DAB1: variants seen among roughly 807,000 people sequenced by gnomAD.
DAB1 encodes DAB adaptor protein 1.
A neutral mutation model predicts 64.6 loss-of-function variants in DAB1; 15 were observed. That is an observed-to-expected ratio of 0.23 (90% CI 0.16 to 0.36). DAB1 has a LOEUF of 0.36. Ranked by LOEUF, DAB1 falls within the 10% of genes least tolerant of loss-of-function variation. The pLI is 1.00. For missense variants in DAB1, 596 were observed against 706.7 expected (o/e 0.84, Z 1.78); for synonymous variants, 235 against 251.9 (o/e 0.93, Z 0.64).
At position 57,019,030 on chromosome 1, in the gene DAB1, C is replaced by T. The variant is rs1570512041; in HGVS notation, c.896-3599G>A. Reference sequence around the variant, plus strand: ...GGATGGCTTCTTGCTCCTGTCAGCACCACTGGTCCTTCTCTGGGCTTCCAC... The same window carrying T: ...GGATGGCTTCTTGCTCCTGTCAGCATCACTGGTCCTTCTCTGGGCTTCCAC... On this transcript the variant is annotated intron_variant, in intron 11 of 14. Transcript: ENST00000371236. Among the ~76,000 whole-genome samples, 3 of 152,314 alleles carry T rather than the reference C, an allele frequency of 2.0e-5. No homozygotes were observed. In the East Asian group the frequency reaches 5.8e-4, roughly 29 times the overall value.
intron 4 of DAB1, among the ~76,000 whole-genome samples, chr1:57,090,182 A>G (rs1653510869): frequency 6.6e-6 from 1 of 152,202 alleles, no homozygotes; most frequent in Non-Finnish European, 1.5e-5. Context: ...GAAGCTTATC[A>G]AAGAGATGTG....
chr1:57,651,172 T>C (rs1216018689), intron 6 of DAB1, among the ~76,000 whole-genome samples: 1 of 152,050 alleles, frequency 6.6e-6, no homozygotes, highest in Non-Finnish European at 1.5e-5. Context: ...AAAAAAGATC[T>C]TATGGTTAAA....
At chr1:57,987,104 A>C (rs1372790783) in intron 5 of DAB1, among the ~76,000 whole-genome samples, 3 of 152,146 alleles carry the variant, frequency 2.0e-5, no homozygotes, top group Non-Finnish European at 4.4e-5. Context: ...TTACAAAAAT[A>C]TTTTTAAAAT....
At chr1:58,461,466 C>T (rs910795565) in intron 3 of DAB1, among the ~76,000 whole-genome samples, 5 of 152,158 alleles carry the variant, frequency 3.3e-5, no homozygotes, top group African/African-American at 1.2e-4. Context: ...GATGGAGACA[C>T]AGAAGAGATG....
intron 1 of DAB1, among the ~76,000 whole-genome samples, chr1:57,354,947 T>G (rs1678941305): frequency 6.6e-6 from 1 of 152,148 alleles, no homozygotes; most frequent in African/African-American, 2.4e-5. Flanking sequence ...TTTTCCTCCA[T>G]CAGCCCTGTC....
chr1:58,339,839 C>T (rs1253210445), intron 4 of DAB1, among the ~76,000 whole-genome samples: 8 of 152,050 alleles, frequency 5.3e-5, no homozygotes, highest in African/African-American at 1.9e-4. Context: ...TTATTAATAC[C>T]TCATTTAAAA....
Position 58,067,814 on chromosome 1 carries a change from G to A in DAB1, n.387+82697C>T, listed in dbSNP as rs372930508. ...ATCTGTACAATGAGTGGGGGGTAAT[G>A]AGTGTTCCATACACATGCAGCTGTT... On this transcript the variant is annotated intron_variant and non_coding_transcript_variant, in intron 5 of 20. Transcript: ENST00000485760. Among the ~76,000 whole-genome samples the A allele has an allele frequency of 2.7e-3, 406 of 152,326 alleles. 20 individuals carry two copies. The South Asian group carries it at 0.08, about 30-fold the overall frequency.
intron 7 of DAB1, among the ~76,000 whole-genome samples, chr1:57,548,735 G>A (rs1447226909): frequency 3.9e-5 from 6 of 152,050 alleles, no homozygotes; most frequent in South Asian, 2.1e-4. Flanking sequence ...CAGAGGGTAC[G>A]GCACTGGGCC....
chr1:58,495,167 G>T (rs1260636000), intron 3 of DAB1, among the ~76,000 whole-genome samples: 1 of 152,042 alleles, frequency 6.6e-6, no homozygotes, highest in African/African-American at 2.4e-5. Context: ...ACTATTGCAA[G>T]GACAAAAAAC....
intron 4 of DAB1, among the ~76,000 whole-genome samples, chr1:57,124,431 T>C (rs939803741): frequency 6.6e-6 from 1 of 152,224 alleles, no homozygotes; most frequent in African/African-American, 2.4e-5. Flanking sequence ...GCCATTTATA[T>C]GGAAGATGAA....
chr1:57,637,234 T>C (rs1385487489), intron 7 of DAB1, among the ~76,000 whole-genome samples: 1 of 152,236 alleles, frequency 6.6e-6, no homozygotes, highest in Non-Finnish European at 1.5e-5. Context: ...ACCTATGTCA[T>C]ACTTAACTAT....
intron 1 of DAB1, among the ~76,000 whole-genome samples, chr1:57,324,632 T>A (rs1294670889): frequency 6.6e-6 from 1 of 152,158 alleles, no homozygotes; most frequent in Non-Finnish European, 1.5e-5. Context: ...AAACCCTCAA[T>A]GTGGTGGCTC....
chr1:57,493,327 T>C (rs1644188075), intron 7 of DAB1, among the ~76,000 whole-genome samples: 1 of 152,136 alleles, frequency 6.6e-6, no homozygotes, highest in Non-Finnish European at 1.5e-5. Context: ...CCAACCATTC[T>C]ACTTTCTGTC....
At chr1:57,620,026 G>A (rs898933425) in intron 7 of DAB1, among the ~76,000 whole-genome samples, 1 of 152,092 alleles carries the variant, frequency 6.6e-6, no homozygotes, top group Admixed American at 6.5e-5. Context: ...CAGAATCCTC[G>A]CCTTTACTGT....
At chr1:57,136,858 T>C (rs1658170657) in intron 3 of DAB1, among the ~76,000 whole-genome samples, 1 of 152,166 alleles carries the variant, frequency 6.6e-6, no homozygotes, top group Admixed American at 6.6e-5. Flanking sequence ...TATAGAGAAA[T>C]ATTTGAATGT....
chr1:57,842,395 C>T (rs1653094318), intron 1 of DAB1, among the ~76,000 whole-genome samples: 1 of 152,166 alleles, frequency 6.6e-6, no homozygotes, highest in African/African-American at 2.4e-5. Context: ...CTGTCCGTTA[C>T]CTAGTTCAAA....
At chr1:57,421,657 T>C (rs1013674540) in intron 1 of DAB1, among the ~76,000 whole-genome samples, 1 of 152,188 alleles carries the variant, frequency 6.6e-6, no homozygotes, top group Admixed American at 6.5e-5. Context: ...AGAGCCTTTG[T>C]GTATGGAAAA....
rs35807001 is a variant in DAB1, at chr1:57,756,674, T to TA, written n.552-107010dup. Among the ~76,000 whole-genome samples, 910 of 140,850 alleles carry TA rather than the reference T, an allele frequency of 6.5e-3. 25 individuals carry two copies. In the South Asian group the frequency reaches 0.097, roughly 15 times the overall value. The allele number at this position is 140,850 out of a possible 152,430, so 92.4% of individuals were successfully genotyped here. On this transcript the variant is annotated intron_variant and non_coding_transcript_variant, in intron 6 of 20. Transcript: ENST00000485760. The stretch of plus-strand genomic sequence containing the variant: ...GAGGCCACTTCCGTACTGCAGGCAA[T>TA]AAAAAAAAAAAATGATAACAGCTTC...
rs538295463 is a variant in DAB1 at position 57,709,322 on chromosome 1, T to C, written n.552-59657A>G. Among the ~76,000 whole-genome samples the C allele has an allele frequency of 3.3e-5, 5 of 152,352 alleles. No individual in the cohort carries two copies. The South Asian group carries it at 6.2e-4, about 19-fold the overall frequency. On this transcript the variant is annotated intron_variant and non_coding_transcript_variant, in intron 6 of 20. Transcript: ENST00000485760. ...GACTATAGTTTACATTGGTAGAAAT[T>C]CCATTTGGTAATTTCAAAGATATTT... is the stretch of plus-strand genomic sequence containing the variant.
Sources: allele counts gnomAD v4.1 joint callset (sites outside exome capture counted in the v4.1 genomes callset), GRCh38; gene constraint gnomAD v4.1.1; transcripts MANE v1.5; gene names NCBI Gene and HGNC (gene_info 2026-07-23, HGNC 2026-07-21).